Variants in MALT1 observed in about 807,000 individuals in gnomAD.
MALT1 encodes MALT1 paracaspase.
Under a neutral mutation model 85.5 loss-of-function variants are expected in MALT1, and 36 were observed. The observed-to-expected ratio is 0.42, with a 90% CI of 0.32 to 0.56. The LOEUF is 0.56. Ranked by LOEUF, MALT1 falls within the 20% of genes least tolerant of loss-of-function variation. The pLI, the probability that MALT1 is intolerant of heterozygous loss-of-function variation, is 0.10. For missense variants in MALT1, 716 were observed against 981.6 expected, an observed-to-expected ratio of 0.73 and a Z score of 3.62; for synonymous variants, 359 against 361.3, an observed-to-expected ratio of 0.99 and a Z score of 0.07.
rs1300286158 is a variant in MALT1, at chr18:58,749,873, CTGAA to C, written c.*2034_*2037del. ...ATACTTCATGGTGATAGACTGAAGGCTGAATGTTTTCCCCTTAAGATTGGGAAGA... is the reference window on the plus strand; with the variant it reads ...ATACTTCATGGTGATAGACTGAAGGCTGTTTTCCCCTTAAGATTGGGAAGA... On this transcript the variant is annotated 3_prime_UTR_variant, in exon 17 of 17. Coordinates refer to ENST00000649217, the MANE Select transcript of MALT1 (RefSeq NM_006785.4). 2 of 210,956 alleles carry C rather than the reference CTGAA, an allele frequency of 9.5e-6. No homozygotes were observed. Among genetic ancestry groups the C allele is most frequent in the African/African-American group, 2.3e-5 (1 of 44,150 alleles). The allele number at this position is 210,956 out of a possible 1,614,324, so 13.1% of individuals were successfully genotyped here. A position where few individuals can be genotyped will look rare whatever the true frequency, so the allele number is the denominator to read the frequency against.
intron 9 of MALT1, among the ~76,000 whole-genome samples, chr18:58,720,720 C>T (rs1209617544): frequency 6.6e-6 from 1 of 152,060 alleles, no homozygotes; most frequent in Non-Finnish European, 1.5e-5. Flanking sequence ...TCCCCAAAGA[C>T]CCAGTGATTT....
intron 10 of MALT1, among the ~76,000 whole-genome samples, chr18:58,727,350 C>T (rs1266018925): frequency 6.6e-6 from 1 of 152,100 alleles, no homozygotes; most frequent in African/African-American, 2.4e-5. Flanking sequence ...GTCGCCCAGG[C>T]TGGAGTGCGG....
chr18:58,693,784 G>A (rs1265959840), intron 2 of MALT1, among the ~76,000 whole-genome samples: 1 of 152,220 alleles, frequency 6.6e-6, no homozygotes, highest in African/African-American at 2.4e-5. Context: ...TTTTGTGTCA[G>A]AAGGGATTTG....
chr18:58,728,000 G>A (rs968953973), intron 10 of MALT1, among the ~76,000 whole-genome samples: 9 of 152,272 alleles, frequency 5.9e-5, no homozygotes, highest in Admixed American at 4.6e-4. Context: ...AAGCCTGCTG[G>A]GGTGGCGGGT....
chr18:58,678,294 CCTT>C (rs1303427117), intron 1 of MALT1, among the ~76,000 whole-genome samples: 4 of 152,170 alleles, frequency 2.6e-5, no homozygotes, highest in African/African-American at 9.7e-5. Context: ...AGTTTGCTAA[CCTT>C]GATTCTGTCA....
chr18:58,704,294 G>T (rs898643996), intron 4 of MALT1, among the ~76,000 whole-genome samples: 1 of 152,114 alleles, frequency 6.6e-6, no homozygotes, highest in Non-Finnish European at 1.5e-5. Context: ...CACCAACAGC[G>T]TATAAGATTT....
At chr18:58,737,991 C>T (rs1212496757) in intron 13 of MALT1, among the ~76,000 whole-genome samples, 1 of 152,170 alleles carries the variant, frequency 6.6e-6, no homozygotes, top group Non-Finnish European at 1.5e-5. Flanking sequence ...TTGTACTATT[C>T]AGGACAGCAT....
chr18:58,699,756 A>G (rs1163948359), intron 3 of MALT1, among the ~76,000 whole-genome samples: 1 of 152,236 alleles, frequency 6.6e-6, no homozygotes, highest in Non-Finnish European at 1.5e-5. Context: ...GCCCCTTGGC[A>G]ATGTGCCAAA....
At chr18:58,734,283 C>T (rs2055194746) in intron 11 of MALT1, 24 bp from the exon 12 acceptor site, 1 of 1,520,116 alleles carries the variant, frequency 6.6e-7, no homozygotes, top group Non-Finnish European at 9.1e-7. Flanking sequence ...TTTCTATCTG[C>T]CCTCCTCCGC....
At chr18:58,725,792 G>A (rs1330770615) in intron 10 of MALT1, among the ~76,000 whole-genome samples, 11 of 152,166 alleles carry the variant, frequency 7.2e-5, no homozygotes, top group Non-Finnish European at 1.5e-4. Context: ...AGGGCATGGC[G>A]GCTCACACCT....
Position 58,700,481 on chromosome 18 carries a change from T to C in MALT1, c.539T>C (p.Val180Ala). Residue 180 changes from valine (V) to alanine (A), a missense_variant, in exon 4 of 17, where the codon GTG becomes GCG. Transcript: ENST00000649217. Reference protein sequence around the residue: ...GNTSELIFNAVHVKDAGFYVC... With the variant: ...GNTSELIFNAAHVKDAGFYVC... ...ACATCAGAGCTTATTTTTAATGCAG[T>C]GCATGTAAAAGATGCAGGCTTTTAT... is the stretch of plus-strand genomic sequence containing the variant. 1 of 1,608,694 alleles carries C rather than the reference T, an allele frequency of 6.2e-7. No homozygotes were observed. Among genetic ancestry groups the C allele is most frequent in the Non-Finnish European group, 8.5e-7 (1 of 1,178,628 alleles).
intron 10 of MALT1, among the ~76,000 whole-genome samples, chr18:58,730,462 A>G (rs761523090): frequency 5.3e-5 from 8 of 152,214 alleles, no homozygotes; most frequent in Non-Finnish European, 1.2e-4. Context: ...AAGTTCATTC[A>G]TATTGTAGCA....
chr18:58,679,623 A>G (rs989200410), intron 1 of MALT1, among the ~76,000 whole-genome samples: 24 of 152,210 alleles, frequency 1.6e-4, no homozygotes, highest in African/African-American at 5.8e-4. Context: ...GCATGATCTC[A>G]GCTCACTGCA....
chr18:58,673,458 AT>A (rs1203598971), intron 1 of MALT1, among the ~76,000 whole-genome samples: 3 of 151,604 alleles, frequency 2.0e-5, no homozygotes, highest in African/African-American at 7.3e-5. Flanking sequence ...TTTTTGCATT[AT>A]CTTTTTTTTT....
At chr18:58,693,119 T>G (rs1378192353) in intron 2 of MALT1, among the ~76,000 whole-genome samples, 1 of 152,202 alleles carries the variant, frequency 6.6e-6, no homozygotes, top group East Asian at 1.9e-4. Context: ...CCAGAAGATC[T>G]AGCTAATGCC....
intron 16 of MALT1, 103 bp from the exon 17 acceptor site, chr18:58,747,302 T>G: frequency 1.4e-6 from 1 of 705,676 alleles, no homozygotes; most frequent in Non-Finnish European, 2.4e-6. Flanking sequence ...GAAAGGAGAG[T>G]GAGTGGATTT....
At chr18:58,741,685 G>A (rs1265648387) in intron 13 of MALT1, 180 bp from the exon 14 acceptor site, 5 of 422,928 alleles carry the variant, frequency 1.2e-5, no homozygotes, top group African/African-American at 9.9e-5. Context: ...TTACACACAT[G>A]AGTAAAAATT....
chr18:58,734,403 G>T lies in MALT1; in HGVS notation c.1475+22G>T, dbSNP rs142428431. 1.9e-6 allele frequency: 3 copies of T among 1,592,314 alleles called. No individual in the cohort carries two copies. In the African/African-American group the frequency reaches 4.0e-5, roughly 21 times the overall value. On this transcript the variant is annotated intron_variant, in intron 12 of 16. Coordinates refer to ENST00000649217, the MANE Select transcript of MALT1 (RefSeq NM_006785.4). ...CCACGTAAGAACATTTGATGTTTAC[G>T]TTGAAGTTTCCTTTATTGTTTGATG...
At chr18:58,733,158 G>A (rs1352301672) in intron 10 of MALT1, among the ~76,000 whole-genome samples, 1 of 152,154 alleles carries the variant, frequency 6.6e-6, no homozygotes, top group African/African-American at 2.4e-5. Flanking sequence ...TGATCTGCCT[G>A]CCTCGGCCTC....
Sources: gnomAD v4.1 joint callset for allele counts (sites outside exome capture counted in the v4.1 genomes callset) on GRCh38, gnomAD v4.1.1 for gene constraint, MANE v1.5 for transcripts, NCBI Gene and HGNC (gene_info 2026-07-23, HGNC 2026-07-21) for gene names.